ARHGAP39: variants seen among roughly 807,000 people sequenced by gnomAD.
ARHGAP39 encodes rho GTPase-activating protein 39.
In ARHGAP39, 44 loss-of-function variants were observed where a neutral mutation model predicts 106.9. That is an observed-to-expected ratio of 0.41 (90% CI 0.32 to 0.53). ARHGAP39 has a LOEUF of 0.53. Ranked by LOEUF, ARHGAP39 falls within the 20% of genes least tolerant of loss-of-function variation. ARHGAP39 has a pLI of 0.21. For missense variants in ARHGAP39, 1,496 were observed against 1,577.3 expected (o/e 0.95, Z 0.87); for synonymous variants, 768 against 693.2 (o/e 1.11, Z -1.69).
In ARHGAP39 at chr8:144,671,444, A is replaced by G. The variant is rs1045443155; in HGVS notation, c.-82+14242T>C. ...TCGGAAGGTGGGGCTCAAGCTGAGA[A>G]GTGCTCCCCTTCAGGAGACAGTGTC... On this transcript the variant is annotated intron_variant, in intron 1 of 11. Transcript: ENST00000377307. The surrounding 1 kb of genome is among the most constrained non-coding windows in gnomAD (Gnocchi z 4.5). Among the ~76,000 whole-genome samples the G allele has an allele frequency of 1.3e-5, 2 of 152,180 alleles. No individual in the cohort carries two copies. The highest frequency in any genetic ancestry group is 2.9e-5 in the Non-Finnish European group (2 of 68,020).
rs543912553 is a variant in ARHGAP39 at position 144,679,911 on chromosome 8, C to T, written c.-82+5775G>A. ...AGGAGAATGGCGTGAACCCAGGATG[C>T]GGAGCTTGCAGTGAGTCGAGATCGC... On this transcript the variant is annotated intron_variant, in intron 1 of 11. Coordinates refer to ENST00000377307, the MANE Select transcript of ARHGAP39 (RefSeq NM_025251.3). The surrounding 1 kb of genome is among the most constrained non-coding windows in gnomAD (Gnocchi z 4.7). Among the ~76,000 whole-genome samples, 10 of 152,256 alleles carry T rather than the reference C, an allele frequency of 6.6e-5. No homozygotes were observed. The highest frequency in any genetic ancestry group is 1.7e-4 in the African/African-American group (7 of 41,552).
chr8:144,536,107 C>A (rs1191000303), intron 7 of ARHGAP39, among the ~76,000 whole-genome samples: 4 of 152,200 alleles, frequency 2.6e-5, no homozygotes, highest in Non-Finnish European at 4.4e-5. Flanking sequence ...CCAGGGAGAC[C>A]CTCACCTGTG....
intron 2 of ARHGAP39, among the ~76,000 whole-genome samples, chr8:144,583,453 C>T (rs1321389165): frequency 1.3e-5 from 2 of 152,172 alleles, no homozygotes; most frequent in African/African-American, 2.4e-5. Context: ...GGTCTGCCCA[C>T]GGCCCGGGCG....
chr8:144,661,215 A>C (rs1015906796), intron 1 of ARHGAP39, among the ~76,000 whole-genome samples: 2 of 152,040 alleles, frequency 1.3e-5, no homozygotes, highest in Non-Finnish European at 2.9e-5. Flanking sequence ...GGAGCAGAGG[A>C]GGCCATTCCA....
intron 1 of ARHGAP39, among the ~76,000 whole-genome samples, chr8:144,619,850 TTG>T (rs1820745689): frequency 9.5e-6 from 1 of 104,756 alleles, no homozygotes; most frequent in Admixed American, 9.8e-5. Flanking sequence ...ATGTGCGAGC[TTG>T]TGTGTCCGAG....
Position 144,581,301 on chromosome 8 carries a change from G to T in ARHGAP39, c.81-24C>A. 5 of 1,516,720 alleles carry T rather than the reference G, an allele frequency of 3.3e-6. No homozygotes were observed. In the East Asian group the frequency reaches 1.2e-4, roughly 37 times the overall value. 94.0% of individuals were successfully genotyped at this position (1,516,720 alleles called of 1,614,324 possible). A position where few individuals can be genotyped will look rare whatever the true frequency, so the allele number is the denominator to read the frequency against. On this transcript the variant is annotated intron_variant, in intron 2 of 11. Transcript: ENST00000377307. The stretch of plus-strand genomic sequence containing the variant: ...ACCTGGGGAGAGACAGGGTTAAGGC[G>T]GCTGGAGCCACGGCGGCCTGGGCCC...
chr8:144,547,693 G>A lies in ARHGAP39; in HGVS notation c.1393C>T (p.Leu465=). The A allele has an allele frequency of 6.3e-7, 1 of 1,581,434 alleles. No homozygotes were observed. Among genetic ancestry groups the A allele is most frequent in the Non-Finnish European group, 8.5e-7 (1 of 1,169,646 alleles). Residue 465 remains leucine (L), a synonymous_variant, in exon 5 of 12, where the codon CTG becomes TTG. Transcript: ENST00000377307. The surrounding 1 kb of genome is among the most constrained non-coding windows in gnomAD (Gnocchi z 5.2). The part of the protein sequence containing the change: ...ELRHSQPPTP[L]PQAQEDAMSW... ...ATGGCATCCTCCTGGGCCTGTGGCA[G>A]CGGCGTGGGCGGCTGGCTGTGCCGC...
chr8:144,618,584 G>A (rs899779697), intron 1 of ARHGAP39, among the ~76,000 whole-genome samples: 4 of 152,206 alleles, frequency 2.6e-5, no homozygotes, highest in African/African-American at 7.2e-5. Context: ...GCAGAGCCCC[G>A]AGGACGCGCC....
At chr8:144,675,388 C>T (rs965323562) in intron 1 of ARHGAP39, among the ~76,000 whole-genome samples, 9 of 152,206 alleles carry the variant, frequency 5.9e-5, no homozygotes, top group Admixed American at 2.0e-4. Flanking sequence ...AACGAAGCCG[C>T]GGACCCTCGC....
In ARHGAP39 at chr8:144,580,942, G is replaced by A. The variant is rs778629749; in HGVS notation, c.416C>T (p.Ser139Phe). ...SVSREGSTSSSLEPEPDTEKA... is the reference protein window; with the variant it reads ...SVSREGSTSSFLEPEPDTEKA... ...CTCAGTGTCGGGCTCGGGCTCCAGG[G>A]AGGAGCTGGTGCTGCCCTCACGGCT... is the stretch of plus-strand genomic sequence containing the variant. Residue 139 changes from serine to phenylalanine, a missense_variant, in exon 3 of 12, where the codon TCC (serine) becomes TTC (phenylalanine). By Grantham distance (155) the Ser-to-Phe change is radical. Transcript: ENST00000377307. 6.2e-7 allele frequency: 1 copy of A among 1,605,342 alleles called. No individual in the cohort carries two copies. Among genetic ancestry groups the A allele is most frequent in the South Asian group, 1.1e-5 (1 of 90,312 alleles).
In ARHGAP39 at chr8:144,645,346, G is replaced by C. The variant is rs932907107; in HGVS notation, c.-81-39651C>G. ...GATGCCCAGCTGGGAACCAGCCCTGGGACACCACGCTCTCAATGATGGGCT... is the reference window on the plus strand; with the variant it reads ...GATGCCCAGCTGGGAACCAGCCCTGCGACACCACGCTCTCAATGATGGGCT... On this transcript the variant is annotated intron_variant, in intron 1 of 11. Transcript: ENST00000377307. This position sits in a 1 kb window ranked among gnomAD's most constrained non-coding sequence, Gnocchi z 4.4. Among the ~76,000 whole-genome samples the C allele has an allele frequency of 2.0e-5, 3 of 152,228 alleles. No homozygotes were observed. The highest frequency in any genetic ancestry group is 1.3e-4 in the Admixed American group (2 of 15,286).
chr8:144,612,140 C>T (rs571985913), intron 1 of ARHGAP39, among the ~76,000 whole-genome samples: 49 of 152,106 alleles, frequency 3.2e-4, no homozygotes, highest in Admixed American at 2.0e-3. Context: ...ACGGCTGCGC[C>T]GCTGCACTCC....
At position 144,559,212 on chromosome 8, in the gene ARHGAP39, C is replaced by CA. The variant is rs1201866416; in HGVS notation, c.513-3570dup. Among the ~76,000 whole-genome samples, 3 of 151,038 alleles carry CA rather than the reference C, an allele frequency of 2.0e-5. No individual in the cohort carries two copies. In the South Asian group the frequency reaches 6.3e-4, roughly 32 times the overall value. ...GACAGAGCGAGACTCTGTCTCAAAA[C>CA]AAAAAACAAAAAAACAAAAACTAGC... On this transcript the variant is annotated intron_variant, in intron 3 of 11. Coordinates refer to ENST00000377307, the MANE Select transcript of ARHGAP39 (RefSeq NM_025251.3).
chr8:144,552,370 C>G (rs1199049366), intron 4 of ARHGAP39, among the ~76,000 whole-genome samples: 2 of 152,278 alleles, frequency 1.3e-5, no homozygotes, highest in Admixed American at 1.3e-4. Context: ...CTGGACGGAG[C>G]TGGGAGAAGC....
chr8:144,699,193 G>A, the ARHGAP39 span: 4 of 205,726 alleles, frequency 1.9e-5, no homozygotes, highest in Non-Finnish European at 3.8e-5. Context: ...GGGTGGTGTG[G>A]GAACTGAAGG....
intron 2 of ARHGAP39, among the ~76,000 whole-genome samples, chr8:144,584,658 G>A (rs1276339989): frequency 1.3e-5 from 2 of 152,206 alleles, no homozygotes; most frequent in Non-Finnish European, 2.9e-5. Flanking sequence ...AGCTACTCGG[G>A]AGGCCAAGGC....
At chr8:144,552,382 C>T (rs928314010) in intron 4 of ARHGAP39, among the ~76,000 whole-genome samples, 5 of 152,258 alleles carry the variant, frequency 3.3e-5, no homozygotes, top group Non-Finnish European at 7.3e-5. Flanking sequence ...GGGAGAAGCG[C>T]GCGGCGGCAG....
chr8:144,572,169 G>C (rs1002469682), intron 3 of ARHGAP39, among the ~76,000 whole-genome samples: 5 of 152,142 alleles, frequency 3.3e-5, no homozygotes, highest in African/African-American at 1.2e-4. Flanking sequence ...ACATTGCCAA[G>C]ACAATCCTAA....
intron 1 of ARHGAP39, among the ~76,000 whole-genome samples, chr8:144,674,123 G>C (rs550290172): frequency 8.0e-4 from 121 of 151,840 alleles, no homozygotes; most frequent in African/African-American, 2.9e-3. Flanking sequence ...AACGTGGTGA[G>C]TGGTGGGGGG....
Sources: gnomAD v4.1 joint callset for allele counts (sites outside exome capture counted in the v4.1 genomes callset) on GRCh38, gnomAD v4.1.1 for gene constraint, Gnocchi (gnomAD v3.1) non-coding constraint, MANE v1.5 for transcripts, NCBI Gene and HGNC (gene_info 2026-07-23, HGNC 2026-07-21) for gene names.